POU2F3: variants seen among roughly 807,000 people sequenced by gnomAD.
POU2F3 encodes the protein POU class 2 homeobox 3, also known as POU domain, class 2, transcription factor 3.
In POU2F3, 23 loss-of-function variants were observed where a neutral mutation model predicts 59.2. That is an observed-to-expected ratio of 0.39 (90% CI 0.28 to 0.55). POU2F3 has a LOEUF of 0.55. Among genes scored for constraint, POU2F3 ranks in the 20% least tolerant of loss-of-function variants. The pLI is 0.66. For synonymous variants in POU2F3, 190 were observed against 214.6 expected, an observed-to-expected ratio of 0.89 and a Z score of 1.00; for missense variants, 473 against 544.5, an observed-to-expected ratio of 0.87 and a Z score of 1.31.
chr11:120,251,216 C>T (rs1030827636), intron 2 of POU2F3, among the ~76,000 whole-genome samples: 3 of 152,208 alleles, frequency 2.0e-5, no homozygotes, highest in African/African-American at 7.2e-5. Context: ...TGAAGCAATT[C>T]TCCCACCATG....
chr11:120,299,235 G>A (rs1189773742), intron 4 of POU2F3, among the ~76,000 whole-genome samples: 1 of 152,236 alleles, frequency 6.6e-6, no homozygotes, highest in Non-Finnish European at 1.5e-5. Flanking sequence ...GGTGGCATGA[G>A]ATTTAAAAAG....
At chr11:120,293,591 A>G (rs1254347388) in intron 3 of POU2F3, among the ~76,000 whole-genome samples, 1 of 152,190 alleles carries the variant, frequency 6.6e-6, no homozygotes, top group African/African-American at 2.4e-5. Context: ...TTCTTGTGAA[A>G]TGTTTATGAA....
intron 3 of POU2F3, among the ~76,000 whole-genome samples, chr11:120,287,062 G>T (rs919297200): frequency 3.3e-5 from 5 of 152,144 alleles, no homozygotes; most frequent in African/African-American, 1.2e-4. Context: ...CTCCAGGACA[G>T]TACCTAAATA....
chr11:120,317,994 AGGCGGTTCAGCAAGGCAGCCAGTTCTT>A (rs531521271), intron 12 of POU2F3, among the ~76,000 whole-genome samples: 12 of 152,336 alleles, frequency 7.9e-5, no homozygotes, highest in African/African-American at 2.9e-4. Context: ...GTCCAAATCC[AGGCGGTTCAGCAAGGCAGCCAGTTCTT>A]ATTGGCCAAT....
chr11:120,317,352 T>C lies in POU2F3; in HGVS notation c.1259T>C (p.Phe420Ser). The C allele has an allele frequency of 6.2e-7, 1 of 1,614,132 alleles. No individual in the cohort carries two copies. Among genetic ancestry groups the C allele is most frequent in the Non-Finnish European group, 8.5e-7 (1 of 1,180,024 alleles). ...GCAGCAGTGAACTCCGCCTCCAGTT[T>C]TAACTCTTCAGGGTAAGGTGAAGGG... Reference protein sequence around the residue: ...SKAAVNSASSFNSSGSWYRWN... With the variant: ...SKAAVNSASSSNSSGSWYRWN... The change falls in exon 12 of 13, where the codon TTT becomes TCT. Residue 420 changes from phenylalanine (F) to serine (S), a missense_variant. Physicochemically the swap from Phe to Ser is radical, Grantham distance 155. Transcript: ENST00000543440.
In POU2F3 at chr11:120,288,124, A is replaced by AC. The variant is rs1182921950; in HGVS notation, c.133-10141_133-10140insC. 9.9e-4 allele frequency among the ~76,000 whole-genome samples: 58 copies of AC among 58,652 alleles called. 1 individual carries two copies. Among genetic ancestry groups the AC allele is most frequent in the East Asian group, 7.0e-3 (27 of 3,872 alleles). 38.5% of individuals were successfully genotyped at this position (58,652 alleles called of 152,430 possible). On this transcript the variant is annotated intron_variant, in intron 3 of 12. Coordinates refer to ENST00000543440, the MANE Select transcript of POU2F3 (RefSeq NM_014352.4). ...AAAGAAAGAAAGAAAACAAACAAAA[A>AC]AACCAAAAAAAAAAAAAAAAAAAAC...
At chr11:120,266,271 T>C (rs750448800) in intron 2 of POU2F3, among the ~76,000 whole-genome samples, 30 of 152,112 alleles carry the variant, frequency 2.0e-4, no homozygotes, top group Admixed American at 4.6e-4. Context: ...CAGCCAGCCC[T>C]GTCAGCTGTC....
intron 2 of POU2F3, chr11:120,261,153 TG>T (rs202228147): frequency 4.2e-5 from 5 of 120,458 alleles, no homozygotes; most frequent in East Asian, 2.4e-4. Flanking sequence ...TTTTTTTTTT[TG>T]TTGTTTTGTG....
At chr11:120,295,676 A>C (rs1941173377) in intron 3 of POU2F3, among the ~76,000 whole-genome samples, 1 of 152,226 alleles carries the variant, frequency 6.6e-6, no homozygotes, top group Non-Finnish European at 1.5e-5. Flanking sequence ...GGGGAGAAGA[A>C]CTAGGACACC....
chr11:120,309,376 C>T, intron 9 of POU2F3, 49 bp from the exon 10 acceptor site: 4 of 1,531,496 alleles, frequency 2.6e-6, no homozygotes, highest in Non-Finnish European at 2.7e-6. Flanking sequence ...CTGTTCCCTG[C>T]CCCTGATTCC....
intron 1 of POU2F3, among the ~76,000 whole-genome samples, chr11:120,244,686 C>T (rs2135123323): frequency 6.6e-6 from 1 of 152,294 alleles, no homozygotes; most frequent in Admixed American, 6.5e-5. Context: ...GAAGAATCCC[C>T]ATGGTGAAGT....
At chr11:120,313,327 G>A (rs1259293144) in intron 10 of POU2F3, among the ~76,000 whole-genome samples, 3 of 152,210 alleles carry the variant, frequency 2.0e-5, no homozygotes, top group Non-Finnish European at 2.9e-5. Context: ...TCCAGGCACC[G>A]TAGAAAGCAC....
intron 3 of POU2F3, among the ~76,000 whole-genome samples, chr11:120,277,052 C>CA (rs1483697625): frequency 2.6e-5 from 4 of 151,804 alleles, no homozygotes; most frequent in Admixed American, 2.0e-4. Flanking sequence ...ATACAAAATA[C>CA]AAAAATAAAA....
intron 3 of POU2F3, among the ~76,000 whole-genome samples, chr11:120,277,191 T>C (rs1241582624): frequency 6.6e-6 from 1 of 152,166 alleles, no homozygotes; most frequent in African/African-American, 2.4e-5. Context: ...CTTGGGAGGC[T>C]GAGGCAGGAA....
At chr11:120,297,089 A>G (rs1197976276) in intron 3 of POU2F3, among the ~76,000 whole-genome samples, 1 of 152,224 alleles carries the variant, frequency 6.6e-6, no homozygotes. Flanking sequence ...TTCTATCTGG[A>G]TAGGGAACAA....
chr11:120,299,900 C>A (rs547565333), intron 5 of POU2F3, among the ~76,000 whole-genome samples, 174 bp downstream of exon 5: 7 of 152,338 alleles, frequency 4.6e-5, no homozygotes, highest in Admixed American at 2.6e-4. Flanking sequence ...TGGCAATGCT[C>A]CTCCAGGCTT....
At chr11:120,304,945 A>T in intron 6 of POU2F3, 85 bp from the exon 7 acceptor site, 2 of 422,860 alleles carry the variant, frequency 4.7e-6, no homozygotes, top group Middle Eastern at 8.3e-4. Context: ...CTATTAGTAA[A>T]AAAAAAAAAA....
intron 3 of POU2F3, among the ~76,000 whole-genome samples, chr11:120,290,228 A>G (rs1210106765): frequency 3.9e-5 from 6 of 152,228 alleles, no homozygotes; most frequent in Admixed American, 3.9e-4. Context: ...TGCCCTTCAG[A>G]GGCAAGCTTC....
intron 8 of POU2F3, among the ~76,000 whole-genome samples, chr11:120,306,242 T>G (rs1941483183): frequency 6.6e-6 from 1 of 152,138 alleles, no homozygotes; most frequent in African/African-American, 2.4e-5. Flanking sequence ...GAGGAGGTTT[T>G]CAGCAGACAG....
Sources: gnomAD v4.1 joint callset for allele counts (sites outside exome capture counted in the v4.1 genomes callset) on GRCh38, gnomAD v4.1.1 for gene constraint, MANE v1.5 for transcripts, NCBI Gene and HGNC (gene_info 2026-07-23, HGNC 2026-07-21) for gene names.